Variants in HOXD13 observed in about 807,000 individuals in gnomAD.
HOXD13 encodes homeobox D13.
In HOXD13, 16 loss-of-function variants were observed where a neutral mutation model predicts 27.3. The ratio of observed to expected loss-of-function variants is 0.59; its 90% CI spans 0.40 to 0.89. The LOEUF (loss-of-function observed/expected upper bound fraction) is 0.89. HOXD13 is among the 40% of genes least tolerant of loss of function. The probability of loss-of-function intolerance (pLI) is 0.00; values close to 1 mark genes in which losing one functional copy is unlikely to be tolerated. For missense variants in HOXD13, 481 were observed against 482.6 expected (o/e 1.00, Z 0.03); for synonymous variants, 241 against 219.0 (o/e 1.10, Z -0.89).
At chr2:176,093,800 A>G (rs879352156) in intron 1 of HOXD13, 129 bp downstream of exon 1, 2 of 644,042 alleles carry the variant, frequency 3.1e-6, no homozygotes, top group Non-Finnish European at 5.4e-6. Flanking sequence ...GACCAGGGTT[A>G]ACCCAGTGGA....
Position 176,094,503 on chromosome 2 carries a change from G to A in HOXD13, c.805G>A (p.Asp269Asn). Reference sequence around the variant, plus strand: ...AGGGGATGTGGCTCTAAATCAGCCGGACATGTGCGTCTACCGAAGAGGGAG... The same window carrying A: ...AGGGGATGTGGCTCTAAATCAGCCGAACATGTGCGTCTACCGAAGAGGGAG... Reference protein sequence around the residue: ...FPGDVALNQPDMCVYRRGRKK... With the variant: ...FPGDVALNQPNMCVYRRGRKK... The change falls in exon 2 of 2, where the codon GAC becomes AAC. Residue 269 changes from aspartate to asparagine, a missense_variant. Coordinates refer to ENST00000392539, the MANE Select transcript of HOXD13 (RefSeq NM_000523.4). 6.2e-7 allele frequency: 1 copy of A among 1,614,062 alleles called. No homozygotes were observed. Among genetic ancestry groups the A allele is most frequent in the Non-Finnish European group, 8.5e-7 (1 of 1,180,012 alleles).
upstream of HOXD13, among the ~76,000 whole-genome samples, chr2:176,090,496 C>A (rs549053300): frequency 1.3e-5 from 2 of 152,302 alleles, no homozygotes; most frequent in Admixed American, 6.5e-5. Context: ...TTGAAATCAA[C>A]AAAACTTGAC....
chr2:176,093,248 C>T lies in HOXD13; in HGVS notation c.358C>T (p.Pro120Ser), dbSNP rs1689354847. The part of the protein sequence containing the change: ...PTPAAAAAAP[P>S]SAPALGYGYH... ...GCCTGCAGCGGCCGCTGCAGCGCCC[C>T]CGAGCGCTCCAGCGCTGGGCTACGG... Residue 120 changes from proline to serine, a missense_variant, in exon 1 of 2, where the codon CCG becomes TCG. Transcript: ENST00000392539. 3.1e-6 allele frequency: 5 copies of T among 1,610,256 alleles called. No homozygotes were observed. In the South Asian group the frequency reaches 5.5e-5, roughly 18 times the overall value.
In HOXD13 at chr2:176,092,949, GT is replaced by G; in HGVS notation, c.60del (p.Gly21AlafsTer75). 1 of 1,329,198 alleles carries G rather than the reference GT, an allele frequency of 7.5e-7. No homozygotes were observed. The highest frequency in any genetic ancestry group is 2.0e-5 in the South Asian group (1 of 50,384). The allele number at this position is 1,329,198 out of a possible 1,614,324, so 82.3% of individuals were successfully genotyped here. A position where few individuals can be genotyped will look rare whatever the true frequency, so the allele number is the denominator to read the frequency against. On this transcript the variant is annotated frameshift_variant, in exon 1 of 2. Transcript: ENST00000392539. LOFTEE classifies it high-confidence loss of function. ...DGLRADGGGAGGAPASSSSSS... is the reference protein window; with the variant it reads ...DGLRADGGGAXGAPASSSSSS... ...CTGCGGGCAGACGGCGGGGGCGCCG[GT>G]GGCGCCCCGGCCTCTTCCTCCTCCT...
chr2:176,095,652 A>G lies in HOXD13; in HGVS notation c.*922A>G, dbSNP rs1689401237. On this transcript the variant is annotated 3_prime_UTR_variant, in exon 2 of 2. Coordinates refer to ENST00000392539, the MANE Select transcript of HOXD13 (RefSeq NM_000523.4). Reference sequence around the variant, plus strand: ...GCCGTGGGTGGGAACTTACATACAGAACCCAATGAAGAACTTGACTGTCTA... The same window carrying G: ...GCCGTGGGTGGGAACTTACATACAGGACCCAATGAAGAACTTGACTGTCTA... 1 of 228,206 alleles carries G rather than the reference A, an allele frequency of 4.4e-6. No homozygotes were observed. The allele number at this position is 228,206 out of a possible 1,614,324, so 14.1% of individuals were successfully genotyped here.
At position 176,093,554 on chromosome 2, in the gene HOXD13, G is replaced by A. The variant is rs1219788050; in HGVS notation, c.664G>A (p.Ala222Thr). 6.2e-7 allele frequency: 1 copy of A among 1,613,852 alleles called. No individual in the cohort carries two copies. The highest frequency in any genetic ancestry group is 1.1e-5 in the South Asian group (1 of 91,084). The change falls in exon 1 of 2, where the codon GCC becomes ACC. Residue 222 changes from alanine to threonine, a missense_variant. Ala to Thr is a moderately conservative substitution (Grantham distance 58). Transcript: ENST00000392539. ...TFGSGEPRHE[A>T]YISMEGYQSW... ...CGGCTCCGGGGAGCCTCGGCACGAG[G>A]CCTACATCTCCATGGAGGGGTACCA... is the stretch of plus-strand genomic sequence containing the variant.
Position 176,094,482 on chromosome 2 carries a change from G to C in HOXD13, c.784G>C (p.Asp262His). Residue 262 changes from aspartate (D) to histidine (H), a missense_variant and splice_region_variant, in exon 2 of 2, where the codon GAT becomes CAT. By Grantham distance (81) the Asp-to-His change is moderately conservative. Transcript: ENST00000392539. The part of the protein sequence containing the change: ...SHFWKSSFPG[D>H]VALNQPDMCV... ...TCTTGTGCTTTTGTTTGTATCAGGG[G>C]ATGTGGCTCTAAATCAGCCGGACAT... 1.2e-6 allele frequency: 2 copies of C among 1,613,926 alleles called. No individual in the cohort carries two copies. The highest frequency in any genetic ancestry group is 1.7e-6 in the Non-Finnish European group (2 of 1,179,982).
Position 176,095,689 on chromosome 2 carries a change from C to G in HOXD13, c.*959C>G. ...AACTTGACTGTCTAAACAAGGGGGC[C>G]TCGCATGGAGCTGTAAAGCATCTAA... On this transcript the variant is annotated 3_prime_UTR_variant, in exon 2 of 2. Coordinates refer to ENST00000392539, the MANE Select transcript of HOXD13 (RefSeq NM_000523.4). The G allele has an allele frequency of 8.8e-6, 2 of 227,438 alleles. No homozygotes were observed. Among genetic ancestry groups the G allele is most frequent in the Non-Finnish European group, 1.7e-5 (2 of 114,504 alleles). 14.1% of individuals were successfully genotyped at this position (227,438 alleles called of 1,614,324 possible). A position where few individuals can be genotyped will look rare whatever the true frequency, so the allele number is the denominator to read the frequency against.
upstream of HOXD13, among the ~76,000 whole-genome samples, chr2:176,092,716 A>T (rs1177592340): frequency 6.6e-6 from 1 of 152,090 alleles, no homozygotes; most frequent in Admixed American, 6.5e-5. Context: ...GCGATGAGCT[A>T]ACCTGTTGGA....
At position 176,094,820 on chromosome 2, in the gene HOXD13, C is replaced by T; in HGVS notation, c.*90C>T. On this transcript the variant is annotated 3_prime_UTR_variant, in exon 2 of 2. Coordinates refer to ENST00000392539, the MANE Select transcript of HOXD13 (RefSeq NM_000523.4). Reference sequence around the variant, plus strand: ...AGACTTGAATATGTATTTAATTCCCCCCACCCCCTGCCAATGGTGGCAAAT... The same window carrying T: ...AGACTTGAATATGTATTTAATTCCCTCCACCCCCTGCCAATGGTGGCAAAT... 1 of 1,196,630 alleles carries T rather than the reference C, an allele frequency of 8.4e-7. No homozygotes were observed. The highest frequency in any genetic ancestry group is 1.3e-5 in the South Asian group (1 of 79,290). The allele number at this position is 1,196,630 out of a possible 1,614,324, so 74.1% of individuals were successfully genotyped here. A position where few individuals can be genotyped will look rare whatever the true frequency, so the allele number is the denominator to read the frequency against.
rs3832095 is a variant in HOXD13, at chr2:176,093,057, GGGC to G, written c.180_182del (p.Ala71del). On this transcript the variant is annotated inframe_deletion, in exon 1 of 2. Transcript: ENST00000392539. ...GTGTTCGCCGGGACGCATTCGGGGC[GGGC>G]GGCGGCGGCGGCAGCGGCGGCTGCG... 1.1e-4 allele frequency: 149 copies of G among 1,366,904 alleles called. 1 individual carries two copies. The highest frequency in any genetic ancestry group is 6.8e-4 in the South Asian group (37 of 54,244). 84.7% of individuals were successfully genotyped at this position (1,366,904 alleles called of 1,614,324 possible).
chr2:176,092,895 G>T lies in HOXD13; in HGVS notation c.5G>T (p.Ser2Ile). ...GGGGCCGGGCCAGGCCGGGCCATGAGCCGCGCCGGGAGCTGGGACATGGAC... is the reference window on the plus strand; with the variant it reads ...GGGGCCGGGCCAGGCCGGGCCATGATCCGCGCCGGGAGCTGGGACATGGAC... M[S>I]RAGSWDMDGL... Residue 2 changes from serine (S) to isoleucine (I), a missense_variant, in exon 1 of 2, where the codon AGC becomes ATC. Ser to Ile is a moderately radical substitution (Grantham distance 142). Coordinates refer to ENST00000392539, the MANE Select transcript of HOXD13 (RefSeq NM_000523.4). The T allele has an allele frequency of 7.8e-7, 1 of 1,275,614 alleles. No individual in the cohort carries two copies. The highest frequency in any genetic ancestry group is 2.6e-5 in the South Asian group (1 of 38,132). The allele number at this position is 1,275,614 out of a possible 1,614,324, so 79.0% of individuals were successfully genotyped here. A position where few individuals can be genotyped will look rare whatever the true frequency, so the allele number is the denominator to read the frequency against.
At chr2:176,093,729 G>A in intron 1 of HOXD13, 58 bp downstream of exon 1, 3 of 1,214,334 alleles carry the variant, frequency 2.5e-6, no homozygotes, top group Non-Finnish European at 3.5e-6. Context: ...AAGGAGAAAA[G>A]AAAGGACTAA....
chr2:176,092,021 T>A (rs1171658083), upstream of HOXD13, among the ~76,000 whole-genome samples: 2 of 152,186 alleles, frequency 1.3e-5, no homozygotes, highest in Non-Finnish European at 2.9e-5. Context: ...GGACAGATTG[T>A]CAGGCTCACT....
Position 176,095,328 on chromosome 2 carries a change from T to C in HOXD13, c.*598T>C. The C allele has an allele frequency of 4.4e-6, 1 of 228,626 alleles. No individual in the cohort carries two copies. The highest frequency in any genetic ancestry group is 8.7e-6 in the Non-Finnish European group (1 of 114,964). The allele number at this position is 228,626 out of a possible 1,614,324, so 14.2% of individuals were successfully genotyped here. The stretch of plus-strand genomic sequence containing the variant: ...TGGCCACCTTATTAAATAGGGATTG[T>C]ATCAATATTGAAATGAAGACAATCT... On this transcript the variant is annotated 3_prime_UTR_variant, in exon 2 of 2. Transcript: ENST00000392539.
chr2:176,088,065 C>A (rs1689267584), upstream of HOXD13, among the ~76,000 whole-genome samples: 1 of 152,262 alleles, frequency 6.6e-6, no homozygotes, highest in South Asian at 2.1e-4. Context: ...ACGCGGGGGG[C>A]TGCGGGCAAT....
chr2:176,093,424 A>G lies in HOXD13; in HGVS notation c.534A>G (p.Val178=), dbSNP rs1460034714. 1.2e-6 allele frequency: 2 copies of G among 1,613,978 alleles called. No homozygotes were observed. Among genetic ancestry groups the G allele is most frequent in the Non-Finnish European group, 1.7e-6 (2 of 1,180,020 alleles). ...TGTCAGGCCTGGCGAGCAGCAGCGT[A>G]CCGGCCAACGAGGTGCCAGCGCGAG... ...MDVSGLASSS[V]PANEVPARAK... is the part of the protein sequence containing the mutation. Residue 178 remains valine, a synonymous_variant, in exon 1 of 2, where the codon GTA becomes GTG. Transcript: ENST00000392539.
upstream of HOXD13, among the ~76,000 whole-genome samples, chr2:176,088,255 T>A (rs1689271185): frequency 6.6e-6 from 1 of 152,226 alleles, no homozygotes; most frequent in Admixed American, 6.5e-5. Context: ...AGACTCAGAT[T>A]TCGAGCCCTC....
upstream of HOXD13, among the ~76,000 whole-genome samples, chr2:176,088,037 G>A (rs1689266895): frequency 1.3e-5 from 2 of 152,266 alleles, no homozygotes; most frequent in African/African-American, 2.4e-5. Context: ...GCCGCTGCCG[G>A]AGCCTGGCTC....
Sources: allele counts gnomAD v4.1 joint callset (sites outside exome capture counted in the v4.1 genomes callset), GRCh38; gene constraint gnomAD v4.1.1; transcripts MANE v1.5; gene names NCBI Gene and HGNC (gene_info 2026-07-23, HGNC 2026-07-21).